The following NOL4L variants were observed in gnomAD, a reference collection of about 807,000 sequenced individuals.
NOL4L encodes nucleolar protein 4-like.
A neutral mutation model predicts 64.5 loss-of-function variants in NOL4L; 7 were observed. The ratio of observed to expected loss-of-function variants is 0.11; its 90% CI spans 0.06 to 0.20. NOL4L has a LOEUF of 0.20. NOL4L is among the 10% of genes least tolerant of loss of function. The pLI, the probability that NOL4L is intolerant of heterozygous loss-of-function variation, is 1.00. For missense variants in NOL4L, 680 were observed against 967.1 expected (o/e 0.70, Z 3.94); for synonymous variants, 413 against 401.0 (o/e 1.03, Z -0.36).
At chr20:32,470,179 G>A (rs2014902470) in intron 5 of NOL4L, among the ~76,000 whole-genome samples, 2 of 152,234 alleles carry the variant, frequency 1.3e-5, no homozygotes, top group Admixed American at 6.5e-5. Context: ...AGTAATGTCC[G>A]CTCCCTGCCC....
rs2014351206 is a variant in NOL4L at position 32,464,251 on chromosome 20, C to CTT, written c.842-7857_842-7856insAA. On this transcript the variant is annotated intron_variant, in intron 5 of 10. Coordinates refer to ENST00000621426, the MANE Select transcript of NOL4L (RefSeq NM_001256798.2). This position sits in a 1 kb window ranked among gnomAD's most constrained non-coding sequence, Gnocchi z 5.6. ...GCGCCCAGGCTGTGTTTACACGATG[C>CTT]GTAGTTCCAAGGAGCACCAGGCTCA... Among the ~76,000 whole-genome samples, 1 of 152,190 alleles carries CTT rather than the reference C, an allele frequency of 6.6e-6. No individual in the cohort carries two copies. Among genetic ancestry groups the CTT allele is most frequent in the Admixed American group, 6.5e-5 (1 of 15,286 alleles).
chr20:32,536,808 G>GGA (rs1338825467), intron 1 of NOL4L, among the ~76,000 whole-genome samples: 2 of 119,012 alleles, frequency 1.7e-5, no homozygotes, highest in Non-Finnish European at 3.7e-5. Context: ...GTGGGGGGGG[G>GGA]GGGGCGCACC....
intron 4 of NOL4L, among the ~76,000 whole-genome samples, chr20:32,506,850 G>A (rs534581749): frequency 4.6e-5 from 7 of 152,350 alleles, no homozygotes; most frequent in African/African-American, 1.7e-4. Flanking sequence ...GGCCAGGACA[G>A]AACAGTAGAG....
intron 1 of NOL4L, among the ~76,000 whole-genome samples, chr20:32,532,051 C>T (rs2018365675): frequency 1.3e-5 from 2 of 152,210 alleles, no homozygotes; most frequent in African/African-American, 4.8e-5. Flanking sequence ...CCTGTCTCTT[C>T]CCAGCCTCCC....
chr20:32,558,329 G>A (rs534871350), intron 1 of NOL4L, among the ~76,000 whole-genome samples: 17 of 149,958 alleles, frequency 1.1e-4, no homozygotes, highest in African/African-American at 3.3e-4. Flanking sequence ...GCTGAAATCC[G>A]CATCGTAATC....
intron 2 of NOL4L, among the ~76,000 whole-genome samples, chr20:32,523,094 G>A (rs1211362939): frequency 2.6e-5 from 4 of 152,188 alleles, no homozygotes; most frequent in African/African-American, 9.7e-5. Flanking sequence ...TAGAGTGGTG[G>A]CCACATTTAT....
chr20:32,472,904 G>A (rs1347797981), intron 5 of NOL4L, among the ~76,000 whole-genome samples: 2 of 152,032 alleles, frequency 1.3e-5, no homozygotes, highest in Admixed American at 6.5e-5. Flanking sequence ...CTGGGCTCTT[G>A]GGGACCTACA....
chr20:32,567,779 G>A (rs1056599890), intron 1 of NOL4L, among the ~76,000 whole-genome samples: 2 of 152,110 alleles, frequency 1.3e-5, no homozygotes, highest in Non-Finnish European at 2.9e-5. Context: ...GGCACCCACT[G>A]AGTACTCAAT....
intron 1 of NOL4L, among the ~76,000 whole-genome samples, chr20:32,570,836 G>A (rs1418035350): frequency 6.6e-6 from 1 of 152,180 alleles, no homozygotes; most frequent in African/African-American, 2.4e-5. Flanking sequence ...GATAACAACA[G>A]CAGCCACAGT....
chr20:32,524,448 T>C (rs2018055360), intron 2 of NOL4L, among the ~76,000 whole-genome samples: 2 of 152,228 alleles, frequency 1.3e-5, no homozygotes, highest in Non-Finnish European at 2.9e-5. Flanking sequence ...CAGAAAGCTC[T>C]TTTCCCTACC....
Position 32,464,394 on chromosome 20 carries a change from G to A in NOL4L, c.842-7999C>T, listed in dbSNP as rs137972215. ...CACACGGGGCACCTGCATTCTCCAC[G>A]TGGCCCTCAGGCCCCAGCTGCCTGC... On this transcript the variant is annotated intron_variant, in intron 5 of 10. Coordinates refer to ENST00000621426, the MANE Select transcript of NOL4L (RefSeq NM_001256798.2). This position sits in a 1 kb window ranked among gnomAD's most constrained non-coding sequence, Gnocchi z 5.6. Among the ~76,000 whole-genome samples, 50 of 152,304 alleles carry A rather than the reference G, an allele frequency of 3.3e-4. No homozygotes were observed. The highest frequency in any genetic ancestry group is 1.0e-3 in the African/African-American group (42 of 41,572).
chr20:32,558,421 T>C (rs564286738), intron 1 of NOL4L, among the ~76,000 whole-genome samples: 1 of 152,152 alleles, frequency 6.6e-6, no homozygotes, highest in Non-Finnish European at 1.5e-5. Flanking sequence ...CCAGGGTGTG[T>C]GTAGGGGGGC....
chr20:32,546,129 G>A (rs1030837008), intron 1 of NOL4L, among the ~76,000 whole-genome samples: 2 of 151,852 alleles, frequency 1.3e-5, no homozygotes, highest in African/African-American at 4.8e-5. Flanking sequence ...TGTATTTTTA[G>A]TAGAGACGGG....
chr20:32,561,350 G>A (rs912142731), intron 1 of NOL4L, among the ~76,000 whole-genome samples: 2 of 152,188 alleles, frequency 1.3e-5, no homozygotes, highest in African/African-American at 2.4e-5. Context: ...GAAAAATCCC[G>A]ACGCTGGAAT....
rs768103799 is a variant in NOL4L, at chr20:32,449,529, C to T, written c.1823-1713G>A. ...TTGTCACATGGGGTTATTTCCTCTCCGGCCAGAGAATGTGGACACCAAGGA... is the reference window on the plus strand; with the variant it reads ...TTGTCACATGGGGTTATTTCCTCTCTGGCCAGAGAATGTGGACACCAAGGA... On this transcript the variant is annotated intron_variant, in intron 10 of 10. Coordinates refer to ENST00000621426, the MANE Select transcript of NOL4L (RefSeq NM_001256798.2). Among the ~76,000 whole-genome samples the T allele has an allele frequency of 3.9e-5, 6 of 152,238 alleles. No individual in the cohort carries two copies. The East Asian group carries it at 5.8e-4, about 15-fold the overall frequency.
At position 32,480,434 on chromosome 20, in the gene NOL4L, C is replaced by G. The variant is rs138439057; in HGVS notation, c.700-5692G>C. 2.5e-3 allele frequency among the ~76,000 whole-genome samples: 375 copies of G among 152,266 alleles called. 3 individuals carry two copies. Among genetic ancestry groups the G allele is most frequent in the African/African-American group, 8.5e-3 (355 of 41,530 alleles). Reference sequence around the variant, plus strand: ...TCTCTATACAGCCCCCAGGCTTGTTCGACAGGAGGCTAAAGCTCCCACTGG... The same window carrying G: ...TCTCTATACAGCCCCCAGGCTTGTTGGACAGGAGGCTAAAGCTCCCACTGG... On this transcript the variant is annotated intron_variant, in intron 4 of 10. Transcript: ENST00000621426.
At chr20:32,456,921 A>G (rs1333202230) in intron 5 of NOL4L, among the ~76,000 whole-genome samples, 1 of 152,010 alleles carries the variant, frequency 6.6e-6, no homozygotes, top group Non-Finnish European at 1.5e-5. Flanking sequence ...CTCTACTGTG[A>G]CCTCCAGCCA....
rs1339823129 is a variant in NOL4L at position 32,464,377 on chromosome 20, G to A, written c.842-7982C>T. ...CATCCGGGTGATGGGGCCACACGGGGCACCTGCATTCTCCACGTGGCCCTC... is the reference window on the plus strand; with the variant it reads ...CATCCGGGTGATGGGGCCACACGGGACACCTGCATTCTCCACGTGGCCCTC... On this transcript the variant is annotated intron_variant, in intron 5 of 10. Coordinates refer to ENST00000621426, the MANE Select transcript of NOL4L (RefSeq NM_001256798.2). This position sits in a 1 kb window ranked among gnomAD's most constrained non-coding sequence, Gnocchi z 5.6. 6.6e-6 allele frequency among the ~76,000 whole-genome samples: 1 copy of A among 152,192 alleles called. No individual in the cohort carries two copies. The highest frequency in any genetic ancestry group is 1.5e-5 in the Non-Finnish European group (1 of 68,016).
intron 4 of NOL4L, among the ~76,000 whole-genome samples, chr20:32,498,646 C>A (rs1194739605): frequency 2.0e-5 from 3 of 150,344 alleles, no homozygotes; most frequent in Non-Finnish European, 4.4e-5. Flanking sequence ...GCCTGTAGTT[C>A]CAGCTACTCG....
Sources: gnomAD v4.1 joint callset for allele counts (sites outside exome capture counted in the v4.1 genomes callset) on GRCh38, gnomAD v4.1.1 for gene constraint, Gnocchi (gnomAD v3.1) non-coding constraint, MANE v1.5 for transcripts, NCBI Gene and HGNC (gene_info 2026-07-23, HGNC 2026-07-21) for gene names.